SORCS2: variants seen among roughly 807,000 people sequenced by gnomAD.
SORCS2 encodes VPS10 domain-containing receptor SorCS2.
In SORCS2, 100 loss-of-function variants were observed where a neutral mutation model predicts 141.6. The ratio of observed to expected loss-of-function variants is 0.71; its 90% CI spans 0.60 to 0.83. The LOEUF is 0.83. SORCS2 is among the 40% of genes least tolerant of loss of function. The pLI is 0.00. For synonymous variants in SORCS2, 789 were observed against 676.9 expected (o/e 1.17, Z -2.57); for missense variants, 1,646 against 1,560.2 (o/e 1.05, Z -0.93).
chr4:7,306,346 A>T (rs1717831762), intron 1 of SORCS2, among the ~76,000 whole-genome samples: 1 of 145,578 alleles, frequency 6.9e-6, no homozygotes. Flanking sequence ...GGAAGTCCAG[A>T]GTTCTGGCTT....
intron 3 of SORCS2, among the ~76,000 whole-genome samples, chr4:7,631,483 C>T (rs1719892343): frequency 6.6e-6 from 1 of 152,002 alleles, no homozygotes; most frequent in African/African-American, 2.4e-5. Flanking sequence ...CGACTCTGGC[C>T]CACCCTGTGT....
At chr4:7,654,283 C>A (rs1351224856) in intron 5 of SORCS2, 76 bp downstream of exon 5, 3 of 1,435,578 alleles carry the variant, frequency 2.1e-6, no homozygotes, top group Non-Finnish European at 1.9e-6. Flanking sequence ...CCCTTGGGAG[C>A]CCATCCCTGC....
intron 4 of SORCS2, among the ~76,000 whole-genome samples, chr4:7,653,035 G>A (rs1056601604): frequency 2.0e-5 from 3 of 151,302 alleles, no homozygotes; most frequent in South Asian, 4.2e-4. Context: ...TGCTCTGGGC[G>A]CCCACCCCTG....
intron 9 of SORCS2, among the ~76,000 whole-genome samples, chr4:7,677,628 A>C (rs1723249730): frequency 1.3e-5 from 2 of 150,330 alleles, no homozygotes; most frequent in Admixed American, 1.3e-4. Context: ...CTGGGCAGGC[A>C]GTGGCATTGA....
chr4:7,687,917 G>A (rs187759010), intron 10 of SORCS2, among the ~76,000 whole-genome samples: 12 of 152,238 alleles, frequency 7.9e-5, no homozygotes, highest in South Asian at 2.1e-4. Context: ...CCAACTGTCC[G>A]TTCCTGGCTC....
intron 1 of SORCS2, among the ~76,000 whole-genome samples, chr4:7,333,656 C>T (rs1001922708): frequency 1.3e-5 from 2 of 152,162 alleles, no homozygotes; most frequent in East Asian, 1.9e-4. Context: ...CCATTGCTTC[C>T]CCCAGACCCT....
intron 2 of SORCS2, among the ~76,000 whole-genome samples, chr4:7,400,888 T>A (rs1724542274): frequency 6.6e-6 from 1 of 150,824 alleles, no homozygotes; most frequent in African/African-American, 2.4e-5. Context: ...GGTGGATAGA[T>A]TAATGGATGG....
chr4:7,470,247 TCCC>T (rs1729889004), intron 2 of SORCS2, among the ~76,000 whole-genome samples: 1 of 147,610 alleles, frequency 6.8e-6, no homozygotes, highest in African/African-American at 2.6e-5. Context: ...CCATCCATCC[TCCC>T]ATCCTCCCAT....
rs1350688060 is a variant in SORCS2 at position 7,395,688 on chromosome 4, T to C, written c.481-600T>C. 5.9e-5 allele frequency among the ~76,000 whole-genome samples: 9 copies of C among 152,216 alleles called. No individual in the cohort carries two copies. In the East Asian group the frequency reaches 1.7e-3, roughly 29 times the overall value. ...GCCCCGTGTGTGATGAATGAATGAA[T>C]GAATGAATGGTCTCAACAACAAGAA... On this transcript the variant is annotated intron_variant, in intron 1 of 26. Coordinates refer to ENST00000507866, the MANE Select transcript of SORCS2 (RefSeq NM_020777.3).
At chr4:7,433,281 C>T (rs1175710070) in intron 2 of SORCS2, 16 of 1,358,408 alleles carry the variant, frequency 1.2e-5, no homozygotes, top group Middle Eastern at 1.9e-4. Flanking sequence ...TCATGGGCCT[C>T]GCTAGCAGGC....
rs555689345 is a variant in SORCS2, at chr4:7,489,992, C to T, written c.549-41538C>T. ...ATAGGTGGAGGGTTGGAACAGGAGGCTGGTGTTGTATTTCAGGTCTAGAAA... is the reference window on the plus strand; with the variant it reads ...ATAGGTGGAGGGTTGGAACAGGAGGTTGGTGTTGTATTTCAGGTCTAGAAA... On this transcript the variant is annotated intron_variant, in intron 2 of 26. Transcript: ENST00000507866. 5.3e-5 allele frequency among the ~76,000 whole-genome samples: 8 copies of T among 152,244 alleles called. No individual in the cohort carries two copies. In the South Asian group the frequency reaches 1.7e-3, roughly 32 times the overall value.
intron 1 of SORCS2, among the ~76,000 whole-genome samples, chr4:7,341,657 G>A (rs1261196973): frequency 2.0e-5 from 3 of 152,218 alleles, no homozygotes; most frequent in Non-Finnish European, 4.4e-5. Flanking sequence ...GACCACATGT[G>A]CATGACATCA....
At chr4:7,678,322 C>T (rs867419761) in intron 9 of SORCS2, among the ~76,000 whole-genome samples, 9 of 150,210 alleles carry the variant, frequency 6.0e-5, no homozygotes, top group Middle Eastern at 3.5e-3. Context: ...CGCAGTGGCC[C>T]GGTCCAAAGG....
chr4:7,596,442 C>G (rs1474914834), intron 3 of SORCS2, among the ~76,000 whole-genome samples: 1 of 152,100 alleles, frequency 6.6e-6, no homozygotes, highest in Non-Finnish European at 1.5e-5. Context: ...CTTCAGGTGC[C>G]AAGACTCCAT....
At chr4:7,609,264 G>C (rs932298899) in intron 3 of SORCS2, among the ~76,000 whole-genome samples, 1 of 152,134 alleles carries the variant, frequency 6.6e-6, no homozygotes, top group Non-Finnish European at 1.5e-5. Flanking sequence ...AACTTTGAAA[G>C]GAATACATTG....
At chr4:7,198,143 G>A (rs1157824666) in intron 1 of SORCS2, among the ~76,000 whole-genome samples, 1 of 152,208 alleles carries the variant, frequency 6.6e-6, no homozygotes, top group Non-Finnish European at 1.5e-5. Context: ...CAAGGCTGTG[G>A]AGGGGGCTGA....
intron 3 of SORCS2, among the ~76,000 whole-genome samples, chr4:7,620,121 C>T (rs1719066066): frequency 1.3e-5 from 2 of 152,066 alleles, no homozygotes; most frequent in South Asian, 4.2e-4. Context: ...GGCGTTTCTC[C>T]TGAGCACCCC....
At chr4:7,275,502 C>T (rs182217072) in intron 1 of SORCS2, among the ~76,000 whole-genome samples, 298 of 152,176 alleles carry the variant, frequency 2.0e-3, no homozygotes, top group Admixed American at 4.6e-3. Flanking sequence ...GGTAAAGGGG[C>T]GACTTTGTAG....
intron 4 of SORCS2, among the ~76,000 whole-genome samples, chr4:7,653,485 C>T (rs1241212692): frequency 3.3e-5 from 5 of 152,096 alleles, no homozygotes; most frequent in East Asian, 1.9e-4. Flanking sequence ...TCATGTGATC[C>T]GCCCGCCTCG....
Sources: gnomAD v4.1 joint callset for allele counts (sites outside exome capture counted in the v4.1 genomes callset) on GRCh38, gnomAD v4.1.1 for gene constraint, MANE v1.5 for transcripts, NCBI Gene and HGNC (gene_info 2026-07-23, HGNC 2026-07-21) for gene names.